Variants in VWA3B observed in about 807,000 individuals in gnomAD.
The protein encoded by VWA3B is von Willebrand factor A domain containing 3B, also known as von Willebrand factor A domain-containing protein 3B.
VWA3B carries 138 observed loss-of-function variants against 158.3 expected under a neutral mutation model. The ratio of observed to expected loss-of-function variants is 0.87; its 90% CI spans 0.76 to 1.00. The LOEUF is 1.00. VWA3B is among the 50% of genes least tolerant of loss of function. VWA3B has a pLI of 0.00. For missense variants in VWA3B, 1,555 were observed against 1,565.1 expected (o/e 0.99, Z 0.11); for synonymous variants, 596 against 587.3 (o/e 1.01, Z -0.21).
At chr2:98,211,100 T>A (rs1407086500) in intron 12 of VWA3B, among the ~76,000 whole-genome samples, 1 of 152,214 alleles carries the variant, frequency 6.6e-6, no homozygotes, top group African/African-American at 2.4e-5. Flanking sequence ...TCGTTCCTGA[T>A]GAGAGGTCCC....
intron 22 of VWA3B, among the ~76,000 whole-genome samples, chr2:98,286,943 C>T (rs1030649488): frequency 5.9e-5 from 9 of 151,742 alleles, no homozygotes; most frequent in East Asian, 1.9e-4. Context: ...GGGTGGAGAG[C>T]GAAAGGGAGA....
chr2:98,282,564 G>C (rs1335931324), intron 22 of VWA3B, among the ~76,000 whole-genome samples: 1 of 151,094 alleles, frequency 6.6e-6, no homozygotes, highest in African/African-American at 2.4e-5. Context: ...CGCCTCCTGA[G>C]TAGCTGGGAT....
chr2:98,217,088 T>A (rs1212350545), intron 13 of VWA3B: 6 of 786,352 alleles, frequency 7.6e-6, no homozygotes, highest in South Asian at 7.2e-5. Context: ...GGGGTTCCCC[T>A]CAATGGCAGA....
At chr2:98,138,473 C>T (rs1260533699) in intron 7 of VWA3B, among the ~76,000 whole-genome samples, 1 of 152,220 alleles carries the variant, frequency 6.6e-6, no homozygotes, top group Non-Finnish European at 1.5e-5. Flanking sequence ...TATTTTCTTA[C>T]ACACTGGGGG....
At chr2:98,237,233 G>C (rs1400175785) in intron 19 of VWA3B, among the ~76,000 whole-genome samples, 1 of 152,226 alleles carries the variant, frequency 6.6e-6, no homozygotes, top group Non-Finnish European at 1.5e-5. Flanking sequence ...TCTTGGTTGG[G>C]TTGGCACTTC....
intron 6 of VWA3B, among the ~76,000 whole-genome samples, chr2:98,131,860 T>C (rs1386450721): frequency 6.6e-6 from 1 of 152,188 alleles, no homozygotes; most frequent in Non-Finnish European, 1.5e-5. Flanking sequence ...GAATTCTAAT[T>C]TTCAAGATCT....
chr2:98,301,638 G>A (rs927784313), intron 25 of VWA3B, among the ~76,000 whole-genome samples: 7 of 152,110 alleles, frequency 4.6e-5, no homozygotes, highest in Non-Finnish European at 8.8e-5. Context: ...GGAATGACTC[G>A]GTTAACTGTA....
chr2:98,096,123 T>C (rs1413281710), intron 2 of VWA3B, among the ~76,000 whole-genome samples: 2 of 152,228 alleles, frequency 1.3e-5, no homozygotes, highest in Non-Finnish European at 2.9e-5. Context: ...GTCAGGGTAA[T>C]GTTGCCTCAG....
intron 8 of VWA3B, among the ~76,000 whole-genome samples, chr2:98,173,962 G>C (rs1048684865): frequency 1.5e-5 from 2 of 133,952 alleles, no homozygotes; most frequent in East Asian, 5.8e-4. Context: ...GCGAGACTCT[G>C]TCTCAAAAGA....
At chr2:98,139,839 C>T (rs1352819200) in intron 7 of VWA3B, among the ~76,000 whole-genome samples, 1 of 152,084 alleles carries the variant, frequency 6.6e-6, no homozygotes, top group Non-Finnish European at 1.5e-5. Flanking sequence ...GCAGTGGTAA[C>T]CCCCTCAGGT....
At chr2:98,262,965 T>C (rs1687576059) in intron 21 of VWA3B, among the ~76,000 whole-genome samples, 2 of 151,932 alleles carry the variant, frequency 1.3e-5, no homozygotes, top group Non-Finnish European at 2.9e-5. Context: ...CTTTCAGCAA[T>C]GTTTTGTAGT....
At chr2:98,293,347 A>G (rs1689610730) in intron 23 of VWA3B, among the ~76,000 whole-genome samples, 2 of 152,208 alleles carry the variant, frequency 1.3e-5, no homozygotes, top group African/African-American at 2.4e-5. Flanking sequence ...TATAAGCGGT[A>G]ATTTTGATTA....
chr2:98,322,236 C>T, the VWA3B span, among the ~76,000 whole-genome samples: 2 of 152,180 alleles, frequency 1.3e-5, no homozygotes, highest in Non-Finnish European at 2.9e-5. Flanking sequence ...AGAGAAGCTG[C>T]TGGAGAGTTT....
At chr2:98,118,224 C>A (rs577568988) in intron 3 of VWA3B, among the ~76,000 whole-genome samples, 37 of 152,272 alleles carry the variant, frequency 2.4e-4, no homozygotes, top group Non-Finnish European at 4.7e-4. Flanking sequence ...ACCCTGGCTT[C>A]TGTGTTGTAG....
intron 26 of VWA3B, among the ~76,000 whole-genome samples, chr2:98,309,028 T>C (rs1018887871): frequency 1.3e-5 from 2 of 151,678 alleles, no homozygotes; most frequent in Admixed American, 1.3e-4. Context: ...AAAAATTAGA[T>C]GGACATGGTG....
intron 21 of VWA3B, among the ~76,000 whole-genome samples, chr2:98,266,984 G>A (rs1325210746): frequency 1.5e-4 from 22 of 150,624 alleles, no homozygotes; most frequent in East Asian, 7.8e-4. Flanking sequence ...CAATCATGTC[G>A]TCTGCAAACA....
chr2:98,106,476 T>A (rs1425619231), intron 2 of VWA3B, among the ~76,000 whole-genome samples: 2 of 152,196 alleles, frequency 1.3e-5, no homozygotes, highest in Non-Finnish European at 2.9e-5. Context: ...AGAATTGACA[T>A]CTTTACTATG....
intron 8 of VWA3B, among the ~76,000 whole-genome samples, chr2:98,171,994 G>A (rs1220329260): frequency 4.6e-5 from 7 of 152,216 alleles, no homozygotes; most frequent in South Asian, 4.1e-4. Context: ...TGCCAACCCC[G>A]TGCCAATGTC....
chr2:98,162,799 A>G, intron 7 of VWA3B, 52 bp from the exon 8 acceptor site: 1 of 1,603,326 alleles, frequency 6.2e-7, no homozygotes, highest in Non-Finnish European at 8.5e-7. Flanking sequence ...GCGGGCTGCC[A>G]CATTCCTGGG....
Sources: allele counts gnomAD v4.1 joint callset (sites outside exome capture counted in the v4.1 genomes callset), GRCh38; gene constraint gnomAD v4.1.1; transcripts MANE v1.5; gene names NCBI Gene and HGNC (gene_info 2026-07-23, HGNC 2026-07-21).